The following ALG14 variants were observed in gnomAD, a reference collection of about 807,000 sequenced individuals.
ALG14 encodes the protein ALG14 UDP-N-acetylglucosaminyltransferase subunit, also known as UDP-N-acetylglucosamine transferase subunit ALG14.
ALG14 carries 17 observed loss-of-function variants against 22.8 expected under a neutral mutation model. The ratio of observed to expected loss-of-function variants is 0.75; its 90% confidence interval spans 0.51 to 1.12. ALG14 has a LOEUF of 1.12. Among genes scored for constraint, ALG14 ranks in the 50% most tolerant of loss-of-function variants. ALG14 has a pLI of 0.00. For missense variants in ALG14, 288 were observed against 271.8 expected, an observed-to-expected ratio of 1.06 and a Z score of -0.42; for synonymous variants, 89 against 103.7, an observed-to-expected ratio of 0.86 and a Z score of 0.86.
Position 95,057,527 on chromosome 1 carries a change from T to A in ALG14, c.288+7339A>T, listed in dbSNP as rs555687529. Among the ~76,000 whole-genome samples, 8 of 151,648 alleles carry A rather than the reference T, an allele frequency of 5.3e-5. 1 individual carries two copies. The South Asian group carries it at 1.7e-3, about 32-fold the overall frequency. On this transcript the variant is annotated intron_variant, in intron 2 of 3. Transcript: ENST00000370205. ...ACTACGTCATCTTATAAAAGGGACT[T>A]GAGCATCTGCGGATTTTGGCATCCG...
intron 2 of ALG14, among the ~76,000 whole-genome samples, chr1:95,057,320 T>C (rs980045514): frequency 6.6e-6 from 1 of 151,374 alleles, no homozygotes; most frequent in Non-Finnish European, 1.5e-5. Flanking sequence ...GGATCGAAAA[T>C]ATTTGGGGAA....
chr1:95,061,024 A>G (rs908773982), intron 2 of ALG14, among the ~76,000 whole-genome samples: 8 of 152,194 alleles, frequency 5.3e-5, no homozygotes, highest in African/African-American at 1.9e-4. Context: ...TGATGGTGGA[A>G]GCCGAGATTA....
intron 3 of ALG14, among the ~76,000 whole-genome samples, chr1:94,987,106 G>A (rs1031054222): frequency 1.3e-5 from 2 of 152,180 alleles, no homozygotes; most frequent in South Asian, 2.1e-4. Flanking sequence ...ACCATGTAGA[G>A]AGCTTGAGAA....
chr1:95,050,490 A>T (rs1674711142), intron 2 of ALG14, among the ~76,000 whole-genome samples: 1 of 152,232 alleles, frequency 6.6e-6, no homozygotes, highest in Non-Finnish European at 1.5e-5. Flanking sequence ...TAGCAATATA[A>T]ACTAGCTTTA....
intron 2 of ALG14, among the ~76,000 whole-genome samples, chr1:95,041,261 A>G (rs982273071): frequency 2.0e-5 from 3 of 152,170 alleles, no homozygotes; most frequent in African/African-American, 7.2e-5. Flanking sequence ...AAAAGTGCAC[A>G]TATACATTAT....
At chr1:94,992,810 T>C (rs377398003) in intron 3 of ALG14, among the ~76,000 whole-genome samples, 1 of 151,902 alleles carries the variant, frequency 6.6e-6, no homozygotes, top group Non-Finnish European at 1.5e-5. Flanking sequence ...CAGAAGCAAA[T>C]GTAACACAGG....
rs1469858866 is a variant in ALG14, at chr1:94,976,341, A to G, written c.*6735T>C. 6.6e-6 allele frequency: 1 copy of G among 152,150 alleles called. No individual in the cohort carries two copies. Among genetic ancestry groups the G allele is most frequent in the East Asian group, 1.9e-4 (1 of 5,188 alleles). The allele number at this position is 152,150 out of a possible 1,614,324, so 9.4% of individuals were successfully genotyped here. A position where few individuals can be genotyped will look rare whatever the true frequency, so the allele number is the denominator to read the frequency against. On this transcript the variant is annotated 3_prime_UTR_variant, in exon 4 of 4. Coordinates refer to ENST00000370205, the MANE Select transcript of ALG14 (RefSeq NM_144988.4). ...GTGGCCCAAGTGAAAGGTTATTATT[A>G]TTATTTTTTCAAAACAAAACAAAAA...
At chr1:95,068,503 T>G (rs1007660422) in intron 1 of ALG14, among the ~76,000 whole-genome samples, 2 of 152,174 alleles carry the variant, frequency 1.3e-5, no homozygotes, top group Non-Finnish European at 2.9e-5. Context: ...TTGGCCAGGC[T>G]GGTCTTGAAC....
chr1:94,985,402 A>G (rs1672618044), intron 3 of ALG14, among the ~76,000 whole-genome samples: 1 of 152,238 alleles, frequency 6.6e-6, no homozygotes, highest in African/African-American at 2.4e-5. Context: ...TCCAGTAATC[A>G]AGACAACCAA....
In ALG14 at chr1:95,072,796, C is replaced by T. The variant is rs2100856496; in HGVS notation, c.103G>A (p.Glu35Lys). The T allele has an allele frequency of 1.2e-6, 2 of 1,614,156 alleles. No homozygotes were observed. Among genetic ancestry groups the T allele is most frequent in the Admixed American group, 1.7e-5 (1 of 60,016 alleles). ...GCCACTACCAAGATACTGAGAGACT[C>T]CCGGGGCGTAACGTCCATGGAACGA... ...VLRSMDVTPR[E>K]SLSILVVAGS... The change falls in exon 1 of 4, where the codon GAG becomes AAG. Residue 35 changes from glutamate (E) to lysine (K), a missense_variant. Physicochemically the swap from Glu to Lys is moderately conservative, Grantham distance 56. Coordinates refer to ENST00000370205, the MANE Select transcript of ALG14 (RefSeq NM_144988.4).
chr1:95,037,805 T>C (rs1360395961), intron 2 of ALG14, among the ~76,000 whole-genome samples: 1 of 152,224 alleles, frequency 6.6e-6, no homozygotes, highest in East Asian at 1.9e-4. Context: ...AACAATTGTT[T>C]ACGACATTGA....
intron 3 of ALG14, among the ~76,000 whole-genome samples, chr1:94,986,443 A>G (rs1237307952): frequency 6.6e-6 from 1 of 151,960 alleles, no homozygotes; most frequent in Non-Finnish European, 1.5e-5. Flanking sequence ...TTCTAACCAT[A>G]CACTTATGTG....
intron 2 of ALG14, among the ~76,000 whole-genome samples, chr1:95,047,634 G>C (rs1023794754): frequency 1.3e-5 from 2 of 152,180 alleles, no homozygotes; most frequent in Non-Finnish European, 2.9e-5. Context: ...GTGAGCCACA[G>C]TGCCTGGCCT....
Position 94,978,813 on chromosome 1 carries a change from T to C in ALG14, c.*4263A>G. The C allele has an allele frequency of 6.6e-6, 1 of 150,638 alleles. No individual in the cohort carries two copies. The highest frequency in any genetic ancestry group is 2.0e-4 in the East Asian group (1 of 5,018). 9.3% of individuals were successfully genotyped at this position (150,638 alleles called of 1,614,324 possible). ...CATAGTACCCTGTTACCCCATTTAT[T>C]TCCTTTTGAGGACATTTTTTCTTTT... On this transcript the variant is annotated 3_prime_UTR_variant, in exon 4 of 4. Coordinates refer to ENST00000370205, the MANE Select transcript of ALG14 (RefSeq NM_144988.4).
At position 94,994,612 on chromosome 1, in the gene ALG14, G is replaced by A. The variant is rs56785527; in HGVS notation, c.421-11306C>T. ...GGTACAGAGAAATTAACTGGTCTATGTGAGATCATACAGTTAGCTAGTGAC... is the reference window on the plus strand; with the variant it reads ...GGTACAGAGAAATTAACTGGTCTATATGAGATCATACAGTTAGCTAGTGAC... On this transcript the variant is annotated intron_variant, in intron 3 of 3. Transcript: ENST00000370205. Among the ~76,000 whole-genome samples, 1,307 of 152,292 alleles carry A rather than the reference G, an allele frequency of 8.6e-3. 31 individuals are homozygous for A. Among genetic ancestry groups the A allele is most frequent in the African/African-American group, 0.029 (1,204 of 41,562 alleles).
intron 2 of ALG14, among the ~76,000 whole-genome samples, chr1:95,045,058 C>T (rs1674502373): frequency 6.6e-6 from 1 of 151,996 alleles, no homozygotes; most frequent in Non-Finnish European, 1.5e-5. Context: ...ATTCAAGCTC[C>T]TTTCCCAGTG....
intron 2 of ALG14, among the ~76,000 whole-genome samples, chr1:95,060,037 C>T (rs994446561): frequency 1.7e-4 from 2 of 11,980 alleles, no homozygotes; most frequent in Non-Finnish European, 4.1e-4. Context: ...GTAGGGAAAC[C>T]CCCCCAACCT....
intron 2 of ALG14, among the ~76,000 whole-genome samples, chr1:95,028,760 C>T (rs1007826947): frequency 1.3e-5 from 2 of 151,916 alleles, no homozygotes; most frequent in African/African-American, 4.8e-5. Flanking sequence ...GATCATGCCA[C>T]TGCACTCCAG....
chr1:94,993,653 A>G (rs891321992), intron 3 of ALG14, among the ~76,000 whole-genome samples: 1 of 152,154 alleles, frequency 6.6e-6, no homozygotes, highest in Non-Finnish European at 1.5e-5. Flanking sequence ...TAGCCATAAC[A>G]TGGTGAACAA....
Sources: gnomAD v4.1 joint callset for allele counts (sites outside exome capture counted in the v4.1 genomes callset) on GRCh38, gnomAD v4.1.1 for gene constraint, MANE v1.5 for transcripts, NCBI Gene and HGNC (gene_info 2026-07-23, HGNC 2026-07-21) for gene names.